TTLL11: variants seen among roughly 807,000 people sequenced by gnomAD.
TTLL11 encodes tubulin polyglutamylase TTLL11.
A neutral mutation model predicts 51.7 loss-of-function variants in TTLL11; 42 were observed. That is an observed-to-expected ratio of 0.81 (90% CI 0.64 to 1.05). TTLL11 has a LOEUF of 1.05. TTLL11 is among the 50% of genes least tolerant of loss of function. TTLL11 has a pLI of 0.00. For missense variants in TTLL11, 799 were observed against 940.4 expected (o/e 0.85, Z 1.97); for synonymous variants, 381 against 383.5 (o/e 0.99, Z 0.08).
At chr9:121,854,151 G>C (rs1043718667) in intron 8 of TTLL11, among the ~76,000 whole-genome samples, 1 of 152,150 alleles carries the variant, frequency 6.6e-6, no homozygotes, top group Non-Finnish European at 1.5e-5. Context: ...ACCAAGCGCA[G>C]ATTGAAAGCC....
At chr9:121,965,730 T>C (rs1296097448) in intron 6 of TTLL11, among the ~76,000 whole-genome samples, 2 of 152,226 alleles carry the variant, frequency 1.3e-5, no homozygotes, top group African/African-American at 2.4e-5. Context: ...ATGCTTAGTT[T>C]AGATAGTTAA....
At chr9:121,826,531 G>GTATATATATATATATATA (rs1564260511) in intron 8 of TTLL11, among the ~76,000 whole-genome samples, 2 of 39,732 alleles carry the variant, frequency 5.0e-5, no homozygotes, top group Non-Finnish European at 9.4e-5. Context: ...ATATATATGT[G>GTATATATATATATATATA]TGTGTGTATA....
At position 121,821,845 on chromosome 9, in the gene TTLL11, C is replaced by T. The variant is rs1251532840; in HGVS notation, c.*742G>A. ...CCAGCACCCCACCTATGCAGGGGTC[C>T]ACTCAGACCATCTGGTCAGGGAGGC... On this transcript the variant is annotated 3_prime_UTR_variant, in exon 9 of 9. Coordinates refer to ENST00000321582, the MANE Select transcript of TTLL11 (RefSeq NM_001139442.2). The surrounding 1 kb of genome is among the most constrained non-coding windows in gnomAD (Gnocchi z 5.0). The T allele has an allele frequency of 6.6e-6, 1 of 152,156 alleles. No homozygotes were observed. The highest frequency in any genetic ancestry group is 2.4e-5 in the African/African-American group (1 of 41,434). The allele number at this position is 152,156 out of a possible 1,614,324, so 9.4% of individuals were successfully genotyped here.
At chr9:121,915,981 A>G (rs1014834217) in intron 6 of TTLL11, among the ~76,000 whole-genome samples, 3 of 73,396 alleles carry the variant, frequency 4.1e-5, no homozygotes, top group Non-Finnish European at 8.1e-5. Context: ...ATAGACAAAG[A>G]CACACACATA....
At chr9:121,946,797 T>C (rs1323057883) in intron 6 of TTLL11, among the ~76,000 whole-genome samples, 1 of 152,168 alleles carries the variant, frequency 6.6e-6, no homozygotes, top group African/African-American at 2.4e-5. Context: ...GTTTAATTGG[T>C]CTGAGGTGGA....
chr9:121,823,328 T>C (rs1836642717), intron 8 of TTLL11, among the ~76,000 whole-genome samples: 1 of 152,172 alleles, frequency 6.6e-6, no homozygotes, highest in Admixed American at 6.5e-5. Context: ...CGTGGATCAC[T>C]TGAGGTCAGT....
intron 3 of TTLL11, among the ~76,000 whole-genome samples, chr9:122,028,773 A>G (rs1844429595): frequency 6.6e-6 from 1 of 152,242 alleles, no homozygotes; most frequent in African/African-American, 2.4e-5. Context: ...TGTGTAAGCC[A>G]TTAGAAAACT....
intron 6 of TTLL11, among the ~76,000 whole-genome samples, chr9:121,899,341 C>CTGTGTGTG (rs541507208): frequency 1.5e-5 from 2 of 136,856 alleles, no homozygotes; most frequent in Admixed American, 8.1e-5. Context: ...TTAATTCACT[C>CTGTGTGTG]TGTGTGTGTG....
At chr9:121,843,520 GC>G (rs1017026381) in intron 8 of TTLL11, among the ~76,000 whole-genome samples, 2 of 152,046 alleles carry the variant, frequency 1.3e-5, no homozygotes, top group Admixed American at 6.5e-5. Flanking sequence ...GGCTCCAGGA[GC>G]CCCACCAGGT....
intron 6 of TTLL11, among the ~76,000 whole-genome samples, chr9:121,972,948 A>G (rs1842613039): frequency 6.6e-6 from 1 of 152,226 alleles, no homozygotes. Flanking sequence ...CCAGTCTTGA[A>G]CAATTACTGA....
chr9:122,011,819 T>C (rs556931216), intron 3 of TTLL11, among the ~76,000 whole-genome samples: 19 of 152,186 alleles, frequency 1.2e-4, no homozygotes, highest in Non-Finnish European at 2.4e-4. Flanking sequence ...AAGGGATCCT[T>C]AGGTCCAAAC....
chr9:122,019,569 C>T (rs891836391), intron 3 of TTLL11, among the ~76,000 whole-genome samples: 2 of 152,216 alleles, frequency 1.3e-5, no homozygotes, highest in Admixed American at 6.5e-5. Flanking sequence ...CCCACATCAG[C>T]CTCCCGAGTA....
At chr9:121,949,222 C>T (rs1841776045) in intron 6 of TTLL11, among the ~76,000 whole-genome samples, 1 of 152,224 alleles carries the variant, frequency 6.6e-6, no homozygotes, top group Non-Finnish European at 1.5e-5. Context: ...CATCCAACCA[C>T]TCAATACATT....
chr9:121,988,682 C>A (rs1220880309), intron 4 of TTLL11, among the ~76,000 whole-genome samples: 1 of 152,204 alleles, frequency 6.6e-6, no homozygotes, highest in Non-Finnish European at 1.5e-5. Context: ...ACGATCTCAG[C>A]ACCTCAGACG....
chr9:122,077,992 T>G (rs1845902981), intron 1 of TTLL11, among the ~76,000 whole-genome samples: 1 of 152,094 alleles, frequency 6.6e-6, no homozygotes. Context: ...AACCCATGGG[T>G]CAAGGAAGAA....
intron 1 of TTLL11, among the ~76,000 whole-genome samples, chr9:122,048,651 C>T (rs892193849): frequency 6.6e-6 from 1 of 152,202 alleles, no homozygotes; most frequent in Non-Finnish European, 1.5e-5. Flanking sequence ...TGGGCACTTG[C>T]ACTGTCACTG....
chr9:122,048,953 T>A (rs1845088429), intron 1 of TTLL11, among the ~76,000 whole-genome samples: 1 of 151,998 alleles, frequency 6.6e-6, no homozygotes, highest in African/African-American at 2.4e-5. Flanking sequence ...TTCAGCACCC[T>A]GTAGGCTTTG....
intron 7 of TTLL11, among the ~76,000 whole-genome samples, chr9:121,865,648 G>T (rs10513383): frequency 0.12 from 17,853 of 151,894 alleles, 1,100 homozygotes; most frequent in Middle Eastern, 0.15. Context: ...TCAAGCTGAA[G>T]AATCAATCAG....
intron 1 of TTLL11, among the ~76,000 whole-genome samples, chr9:122,055,203 G>GGATA (rs1222958113): frequency 0.12 from 17,077 of 144,590 alleles, 1,169 homozygotes; most frequent in African/African-American, 0.18. Context: ...AGGACTAATA[G>GGATA]GATAGATAGA....
Sources: allele counts gnomAD v4.1 joint callset (sites outside exome capture counted in the v4.1 genomes callset), GRCh38; gene constraint gnomAD v4.1.1; non-coding constraint Gnocchi (gnomAD v3.1); transcripts MANE v1.5; gene names NCBI Gene and HGNC (gene_info 2026-07-23, HGNC 2026-07-21).